KANSL1: variants seen among roughly 807,000 people sequenced by gnomAD.
KANSL1 encodes the protein KAT8 regulatory NSL complex subunit 1.
In KANSL1, 22 loss-of-function variants were observed where a neutral mutation model predicts 103.6. That is an observed-to-expected ratio of 0.21 (90% CI 0.15 to 0.30). KANSL1 has a LOEUF of 0.30. Among genes scored for constraint, KANSL1 ranks in the 10% least tolerant of loss-of-function variants. The pLI is 1.00. For missense variants in KANSL1, 1,337 were observed against 1,399.8 expected, an observed-to-expected ratio of 0.96 and a Z score of 0.72; for synonymous variants, 600 against 527.6, an observed-to-expected ratio of 1.14 and a Z score of -1.88.
intron 3 of KANSL1, among the ~76,000 whole-genome samples, chr17:46,084,952 T>C (rs2079111420): frequency 6.6e-6 from 1 of 152,322 alleles, no homozygotes; most frequent in African/African-American, 2.4e-5. Flanking sequence ...CAAAACGTTG[T>C]ATTCAACAGA....
chr17:46,123,151 CG>C (rs2043360605), intron 2 of KANSL1, among the ~76,000 whole-genome samples: 1 of 152,174 alleles, frequency 6.6e-6, no homozygotes, highest in African/African-American at 2.4e-5. Flanking sequence ...CGGCGGCAGG[CG>C]GATCACCTGA....
At chr17:46,191,876 G>A (rs1438996283) in intron 1 of KANSL1, among the ~76,000 whole-genome samples, 1 of 152,132 alleles carries the variant, frequency 6.6e-6, no homozygotes, top group Non-Finnish European at 1.5e-5. Context: ...TTTGGGGACC[G>A]CGGCAGTCGG....
intron 1 of KANSL1, among the ~76,000 whole-genome samples, chr17:46,190,774 G>A (rs372576331): frequency 1.6e-3 from 251 of 152,344 alleles, no homozygotes; most frequent in African/African-American, 5.5e-3. Context: ...CGAAGGAACG[G>A]CACACTTTGT....
intron 6 of KANSL1, among the ~76,000 whole-genome samples, chr17:46,055,196 G>A (rs890684844): frequency 6.6e-6 from 1 of 150,808 alleles, no homozygotes; most frequent in Non-Finnish European, 1.5e-5. Flanking sequence ...AGGCGCGGTG[G>A]CTCACGCCTG....
At chr17:46,159,722 C>T (rs1263881983) in intron 2 of KANSL1, among the ~76,000 whole-genome samples, 1 of 152,208 alleles carries the variant, frequency 6.6e-6, no homozygotes, top group African/African-American at 2.4e-5. Context: ...GCTCCTTTTC[C>T]AGCAACTGGG....
chr17:46,139,666 CT>C (rs2044323371), intron 2 of KANSL1, among the ~76,000 whole-genome samples: 1 of 152,202 alleles, frequency 6.6e-6, no homozygotes, highest in South Asian at 2.1e-4. Context: ...CTCCTGTTGC[CT>C]AACTGTAAAA....
At chr17:46,185,114 G>A (rs947338074) in intron 1 of KANSL1, among the ~76,000 whole-genome samples, 13 of 152,142 alleles carry the variant, frequency 8.5e-5, no homozygotes, top group East Asian at 1.9e-4. Context: ...GGCATGAGCC[G>A]CCACGCCTGG....
chr17:46,133,775 G>GA (rs2043986421), intron 2 of KANSL1, among the ~76,000 whole-genome samples: 1 of 152,200 alleles, frequency 6.6e-6, no homozygotes, highest in Non-Finnish European at 1.5e-5. Flanking sequence ...TTTAACCAAA[G>GA]AAATGATATG....
intron 6 of KANSL1, among the ~76,000 whole-genome samples, chr17:46,056,037 T>C (rs62060763): frequency 0.14 from 21,733 of 152,178 alleles, 2,100 homozygotes; most frequent in Non-Finnish European, 0.22. Context: ...CTCGCTCTGT[T>C]GCCCAGGCTA....
chr17:46,066,245 T>G (rs1483405600), intron 6 of KANSL1, among the ~76,000 whole-genome samples: 3 of 152,190 alleles, frequency 2.0e-5, no homozygotes, highest in Non-Finnish European at 4.4e-5. Context: ...TCCTTCAAAG[T>G]GTTAAGGGCA....
upstream of KANSL1, among the ~76,000 whole-genome samples, chr17:46,198,831 T>C (rs2047702006): frequency 6.6e-6 from 1 of 152,222 alleles, no homozygotes; most frequent in South Asian, 2.1e-4. Flanking sequence ...TAAAAACATA[T>C]TCTGAGAATG....
intron 2 of KANSL1, among the ~76,000 whole-genome samples, chr17:46,113,235 T>C (rs1027511151): frequency 1.3e-5 from 2 of 152,234 alleles, no homozygotes; most frequent in Non-Finnish European, 1.5e-5. Context: ...CCTTGCTGTA[T>C]ATGAACCACT....
intron 2 of KANSL1, among the ~76,000 whole-genome samples, chr17:46,141,762 A>G (rs2044432749): frequency 6.6e-6 from 1 of 152,266 alleles, no homozygotes; most frequent in African/African-American, 2.4e-5. Flanking sequence ...AGTCCCAAAG[A>G]AAGTAATACA....
At chr17:46,058,684 TCAC>T (rs2078015464) in intron 6 of KANSL1, among the ~76,000 whole-genome samples, 1 of 142,012 alleles carries the variant, frequency 7.0e-6, no homozygotes, top group African/African-American at 3.0e-5. Flanking sequence ...ACCAACACTC[TCAC>T]TAATTGGAAA....
At chr17:46,033,314 A>T in intron 12 of KANSL1, 89 bp downstream of exon 12, 1 of 1,472,366 alleles carries the variant, frequency 6.8e-7, no homozygotes. Context: ...CACACCCACA[A>T]GTCTTCAGGC....
At chr17:46,122,381 G>A (rs552102064) in intron 2 of KANSL1, among the ~76,000 whole-genome samples, 1 of 152,288 alleles carries the variant, frequency 6.6e-6, no homozygotes, top group East Asian at 1.9e-4. Flanking sequence ...AGCATATTTA[G>A]GCTGCTATCA....
chr17:46,185,805 T>C (rs2147870743), intron 1 of KANSL1, among the ~76,000 whole-genome samples: 1 of 151,748 alleles, frequency 6.6e-6, no homozygotes, highest in Non-Finnish European at 1.5e-5. Flanking sequence ...GAGGACTGCT[T>C]GAGCCCAGGA....
At chr17:46,215,300 C>T (rs1434054178) in intron 1 of KANSL1, 1 of 152,514 alleles carries the variant, frequency 6.6e-6, no homozygotes, top group Non-Finnish European at 1.5e-5. Flanking sequence ...GAACTGGGCA[C>T]AAGCTATCTG....
At chr17:46,183,042 T>C (rs2046860826) in intron 1 of KANSL1, among the ~76,000 whole-genome samples, 1 of 152,210 alleles carries the variant, frequency 6.6e-6, no homozygotes, top group Admixed American at 6.5e-5. Flanking sequence ...ACTGTGTGAT[T>C]TGGGGGATGG....
Sources: allele counts gnomAD v4.1 joint callset (sites outside exome capture counted in the v4.1 genomes callset), GRCh38; gene constraint gnomAD v4.1.1; transcripts MANE v1.5; gene names NCBI Gene and HGNC (gene_info 2026-07-23, HGNC 2026-07-21).